Variants in CLN8 observed in about 807,000 individuals in gnomAD.
CLN8 encodes the protein CLN8 transmembrane ER and ERGIC protein.
Under a neutral mutation model 15.7 loss-of-function variants are expected in CLN8, and 14 were observed. The observed-to-expected ratio is 0.89, with a 90% confidence interval of 0.59 to 1.39. The LOEUF is 1.39. Among genes scored for constraint, CLN8 ranks in the 40% most tolerant of loss-of-function variants. CLN8 has a pLI of 0.00. For synonymous variants in CLN8, 188 were observed against 151.0 expected, an observed-to-expected ratio of 1.25 and a Z score of -1.80; for missense variants, 415 against 364.0, an observed-to-expected ratio of 1.14 and a Z score of -1.14.
At chr8:1,780,101 T>C in intron 2 of CLN8, 149 bp from the exon 3 acceptor site, 1 of 1,506,050 alleles carries the variant, frequency 6.6e-7, no homozygotes, top group South Asian at 1.3e-5. Context: ...GAAGTCCCAA[T>C]GAGAGCAGAG....
In CLN8 at chr8:1,771,472, C is replaced by A; in HGVS notation, c.418C>A (p.Leu140Ile). ...TFDLFLVIHH[L>I]FAFLGFLGCL... Reference sequence around the variant, plus strand: ...TGACTTGTTTCTGGTTATCCACCATCTCTTTGCCTTTCTTGGGTTTCTTGG... The same window carrying A: ...TGACTTGTTTCTGGTTATCCACCATATCTTTGCCTTTCTTGGGTTTCTTGG... The change falls in exon 2 of 3, where the codon CTC (leucine) becomes ATC (isoleucine). Residue 140 changes from leucine to isoleucine, a missense_variant. Physicochemically the swap from Leu to Ile is conservative, Grantham distance 5. Transcript: ENST00000331222. 8 of 1,614,234 alleles carry A rather than the reference C, an allele frequency of 5.0e-6. No individual in the cohort carries two copies. Among genetic ancestry groups the A allele is most frequent in the Non-Finnish European group, 5.9e-6 (7 of 1,180,048 alleles).
At chr8:1,772,162 T>A (rs549458405) in intron 2 of CLN8, among the ~76,000 whole-genome samples, 3 of 152,266 alleles carry the variant, frequency 2.0e-5, no homozygotes, top group South Asian at 4.2e-4. Flanking sequence ...GGTCTTGAAC[T>A]CCTGACCTTG....
chr8:1,766,390 G>GTTTTTT (rs5888909), intron 1 of CLN8, among the ~76,000 whole-genome samples: 1 of 109,494 alleles, frequency 9.1e-6, no homozygotes, highest in African/African-American at 3.4e-5. Context: ...CCAGTTTTTT[G>GTTTTTT]TTTTTTTTTT....
intron 2 of CLN8, among the ~76,000 whole-genome samples, chr8:1,777,600 C>G (rs1801569572): frequency 6.6e-6 from 1 of 152,056 alleles, no homozygotes; most frequent in African/African-American, 2.4e-5. Flanking sequence ...ATTCTGTAAG[C>G]TTTTCTTAAT....
intron 1 of CLN8, chr8:1,764,645 G>C (rs969580300): frequency 1.3e-5 from 2 of 153,144 alleles, no homozygotes; most frequent in African/African-American, 4.8e-5. Flanking sequence ...AGGGACGCTG[G>C]GTAAGGTCAC....
chr8:1,780,145 A>G (rs1585151186), intron 2 of CLN8, 105 bp from the exon 3 acceptor site: 4 of 1,594,906 alleles, frequency 2.5e-6, no homozygotes, highest in East Asian at 2.2e-5. Flanking sequence ...TTTGAAATGA[A>G]TTTGTTTTGT....
rs1801782180 is a variant in CLN8 at position 1,784,491 on chromosome 8, T to C, written c.*3924T>C. ...AAGAGTAGGGGGCCCCACCTCTTAA[T>C]ACCACCGCAATGACAATTACAATGT... On this transcript the variant is annotated 3_prime_UTR_variant, in exon 3 of 3. Transcript: ENST00000331222. 6.6e-6 allele frequency: 1 copy of C among 152,186 alleles called. No homozygotes were observed. 9.4% of individuals were successfully genotyped at this position (152,186 alleles called of 1,614,324 possible).
chr8:1,760,869 G>A (rs1217086011), upstream of CLN8, among the ~76,000 whole-genome samples: 1 of 152,176 alleles, frequency 6.6e-6, no homozygotes, highest in African/African-American at 2.4e-5. Flanking sequence ...TGTTTCAAAG[G>A]CATCTTGTAT....
In CLN8 at chr8:1,783,695, T is replaced by TTTTTAC. The variant is rs1168661700; in HGVS notation, c.*3128_*3129insTTTTAC. ...ATGCTGGAGTTGTCATGGCCGCAGT[T>TTTTTAC]CAGTGTGAGATTTTTTACCAGGTAT... is the stretch of plus-strand genomic sequence containing the variant. On this transcript the variant is annotated 3_prime_UTR_variant, in exon 3 of 3. Transcript: ENST00000331222. 4 of 152,106 alleles carry TTTTTAC rather than the reference T, an allele frequency of 2.6e-5. No homozygotes were observed. Among genetic ancestry groups the TTTTTAC allele is most frequent in the African/African-American group, 7.2e-5 (3 of 41,400 alleles). The allele number at this position is 152,106 out of a possible 1,614,324, so 9.4% of individuals were successfully genotyped here.
chr8:1,780,458 A>T lies in CLN8; in HGVS notation c.752A>T (p.His251Leu). 1 of 1,614,232 alleles carries T rather than the reference A, an allele frequency of 6.2e-7. No homozygotes were observed. The highest frequency in any genetic ancestry group is 8.5e-7 in the Non-Finnish European group (1 of 1,180,060). The change falls in exon 3 of 3, where the codon CAT becomes CTT. Residue 251 changes from histidine to leucine, a missense_variant. Transcript: ENST00000331222. Reference protein sequence around the residue: ...LTLIINPYWTHKKTQQLLNPV... With the variant: ...LTLIINPYWTLKKTQQLLNPV... ...CTAATCATTAATCCATATTGGACCC[A>T]TAAGAAGACTCAGCAGCTTCTCAAT...
rs573806537 is a variant in CLN8 at position 1,781,558 on chromosome 8, G to A, written c.*991G>A. ...AAGTTTTTTTTTTTTTTAAATCATG[G>A]TACCTGTTTTAAAATGAGAAGTTAT... is the stretch of plus-strand genomic sequence containing the variant. On this transcript the variant is annotated 3_prime_UTR_variant, in exon 3 of 3. Transcript: ENST00000331222. The A allele has an allele frequency of 1.9e-4, 29 of 151,620 alleles. No individual in the cohort carries two copies. Among genetic ancestry groups the A allele is most frequent in the African/African-American group, 4.8e-4 (20 of 41,342 alleles). 9.4% of individuals were successfully genotyped at this position (151,620 alleles called of 1,614,324 possible). A position where few individuals can be genotyped will look rare whatever the true frequency, so the allele number is the denominator to read the frequency against.
At chr8:1,778,356 A>G (rs1444297050) in intron 2 of CLN8, among the ~76,000 whole-genome samples, 2 of 152,242 alleles carry the variant, frequency 1.3e-5, no homozygotes, top group Non-Finnish European at 2.9e-5. Context: ...AACTCTTCAC[A>G]TTTCATTTCA....
At chr8:1,757,095 G>C (rs913260127) in intron 1 of CLN8, among the ~76,000 whole-genome samples, 4 of 152,226 alleles carry the variant, frequency 2.6e-5, no homozygotes, top group Non-Finnish European at 5.9e-5. Context: ...GCAGCGGAAA[G>C]TCCACTTCGA....
chr8:1,762,130 C>G (rs1800812725), upstream of CLN8: 1 of 152,202 alleles, frequency 6.6e-6, no homozygotes, highest in South Asian at 2.1e-4. Flanking sequence ...CTCTCACTGT[C>G]TCAGTTATAA....
In CLN8 at chr8:1,781,301, T is replaced by C. The variant is rs1256796820; in HGVS notation, c.*734T>C. 6.8e-6 allele frequency: 1 copy of C among 147,716 alleles called. No homozygotes were observed. The highest frequency in any genetic ancestry group is 1.5e-5 in the Non-Finnish European group (1 of 67,722). The allele number at this position is 147,716 out of a possible 1,614,324, so 9.2% of individuals were successfully genotyped here. ...TGAACCCGGGAGGCGGAGGTTGCAG[T>C]GAGCTGAGATCGCACCACTGCACTC... is the stretch of plus-strand genomic sequence containing the variant. On this transcript the variant is annotated 3_prime_UTR_variant, in exon 3 of 3. Coordinates refer to ENST00000331222, the MANE Select transcript of CLN8 (RefSeq NM_018941.4).
chr8:1,759,864 T>C (rs1472060747), upstream of CLN8: 1 of 152,222 alleles, frequency 6.6e-6, no homozygotes, highest in Non-Finnish European at 1.5e-5. Context: ...GACGTTCTTT[T>C]TCGCCTCTCG....
intron 2 of CLN8, among the ~76,000 whole-genome samples, chr8:1,774,449 T>C (rs1343312817): frequency 2.0e-5 from 3 of 152,240 alleles, no homozygotes; most frequent in African/African-American, 7.2e-5. Flanking sequence ...TCTAAAATGT[T>C]GAAATTCTTT....
In CLN8 at chr8:1,770,955, C is replaced by A; in HGVS notation, c.-100C>A. The A allele has an allele frequency of 9.2e-7, 1 of 1,089,342 alleles. No individual in the cohort carries two copies. Among genetic ancestry groups the A allele is most frequent in the Non-Finnish European group, 1.4e-6 (1 of 716,776 alleles). 67.5% of individuals were successfully genotyped at this position (1,089,342 alleles called of 1,614,324 possible). A position where few individuals can be genotyped will look rare whatever the true frequency, so the allele number is the denominator to read the frequency against. On this transcript the variant is annotated 5_prime_UTR_variant, in exon 2 of 3. Transcript: ENST00000331222. ...AGATTGAAGATGGATACGTGACAATCCCAGGGACCGCTGCACTGACTTCAT... is the reference window on the plus strand; with the variant it reads ...AGATTGAAGATGGATACGTGACAATACCAGGGACCGCTGCACTGACTTCAT...
At chr8:1,768,576 G>A (rs1053071154) in intron 1 of CLN8, among the ~76,000 whole-genome samples, 1 of 152,214 alleles carries the variant, frequency 6.6e-6, no homozygotes, top group Non-Finnish European at 1.5e-5. Context: ...AAAGTACAGG[G>A]AGAAGTTTTA....
Sources: gnomAD v4.1 joint callset for allele counts (sites outside exome capture counted in the v4.1 genomes callset) on GRCh38, gnomAD v4.1.1 for gene constraint, MANE v1.5 for transcripts, NCBI Gene and HGNC (gene_info 2026-07-23, HGNC 2026-07-21) for gene names.